Variants in AK7 observed in about 807,000 individuals in gnomAD.
AK7 encodes ATP-AMP transphosphorylase 7.
AK7 carries 78 observed loss-of-function variants against 96.6 expected under a neutral mutation model. The observed-to-expected ratio is 0.81, with a 90% CI of 0.67 to 0.97. The LOEUF is 0.97. Ranked by LOEUF, AK7 falls within the 50% of genes least tolerant of loss-of-function variation. The pLI is 0.00. For synonymous variants in AK7, 302 were observed against 317.2 expected (o/e 0.95, Z 0.51); for missense variants, 855 against 887.9 (o/e 0.96, Z 0.47).
chr14:96,427,228 A>G (rs1033782360), intron 5 of AK7, among the ~76,000 whole-genome samples: 1 of 152,150 alleles, frequency 6.6e-6, no homozygotes, highest in Non-Finnish European at 1.5e-5. Flanking sequence ...CTGGGCAACA[A>G]GAGCGAAACT....
chr14:96,419,784 C>CTTTTTTTTTTTTT lies in AK7; in HGVS notation c.499-1034_499-1033insTTTTTTTTTTTTT, dbSNP rs11449244. The stretch of plus-strand genomic sequence containing the variant: ...TCTCCTAAAGCATTTTTTTTTCTTT[C>CTTTTTTTTTTTTT]TTTTCTTTTTTTTTTTTTTTTGAGA... On this transcript the variant is annotated intron_variant, in intron 4 of 17. Coordinates refer to ENST00000267584, the MANE Select transcript of AK7 (RefSeq NM_152327.5). Among the ~76,000 whole-genome samples, 9 of 101,690 alleles carry CTTTTTTTTTTTTT rather than the reference C, an allele frequency of 8.9e-5. 2 individuals are homozygous for CTTTTTTTTTTTTT. The highest frequency in any genetic ancestry group is 1.0e-4 in the Admixed American group (1 of 9,946). 66.7% of individuals were successfully genotyped at this position (101,690 alleles called of 152,430 possible). A position where few individuals can be genotyped will look rare whatever the true frequency, so the allele number is the denominator to read the frequency against.
At chr14:96,426,550 C>A (rs1361439535) in intron 5 of AK7, among the ~76,000 whole-genome samples, 1 of 152,102 alleles carries the variant, frequency 6.6e-6, no homozygotes, top group East Asian at 1.9e-4. Flanking sequence ...ATGTCTTTTT[C>A]TTTCTGACTG....
intron 12 of AK7, among the ~76,000 whole-genome samples, chr14:96,468,073 C>CGA (rs1894673908): frequency 1.3e-5 from 1 of 79,132 alleles, no homozygotes; most frequent in Non-Finnish European, 2.3e-5. Flanking sequence ...CCCGTCTCTA[C>CGA]AAAAAAAAAA....
intron 17 of AK7, among the ~76,000 whole-genome samples, chr14:96,487,694 T>C (rs1300859795): frequency 6.6e-6 from 1 of 152,010 alleles, no homozygotes; most frequent in African/African-American, 2.4e-5. Context: ...CCCAAAGTGC[T>C]GAGATTACAG....
At chr14:96,421,072 G>A (rs961901601) in intron 5 of AK7, 140 bp downstream of exon 5, 1 of 547,072 alleles carries the variant, frequency 1.8e-6, no homozygotes. Context: ...CCTGGCCCAG[G>A]TTCTGGTCCA....
At chr14:96,410,351 C>G (rs1890962332) in intron 4 of AK7, among the ~76,000 whole-genome samples, 1 of 152,168 alleles carries the variant, frequency 6.6e-6, no homozygotes, top group Admixed American at 6.5e-5. Context: ...ACTGGCTGAC[C>G]ACTGTGCTAG....
At chr14:96,421,900 C>T (rs964920770) in intron 5 of AK7, among the ~76,000 whole-genome samples, 6 of 152,188 alleles carry the variant, frequency 3.9e-5, no homozygotes, top group Non-Finnish European at 7.4e-5. Flanking sequence ...CCACTGTGCC[C>T]GGCCCCTTCT....
intron 12 of AK7, among the ~76,000 whole-genome samples, chr14:96,463,052 G>A (rs990028362): frequency 1.6e-4 from 24 of 151,968 alleles, no homozygotes; most frequent in African/African-American, 4.8e-4. Flanking sequence ...CAGGAGAATC[G>A]CTTGAACCCT....
chr14:96,397,929 A>T (rs1890169041), intron 1 of AK7, 146 bp from the exon 2 acceptor site: 9 of 745,882 alleles, frequency 1.2e-5, no homozygotes. Context: ...AATCAACTTA[A>T]ATGAGATGAC....
Position 96,408,669 on chromosome 14 carries a change from A to G in AK7, c.404-178A>G, listed in dbSNP as rs1167469102. ...ACCTGCTGGGATCCGTATTTCGGATACAGGTAGCGAGAAAGCAGGGGGAAT... is the reference window on the plus strand; with the variant it reads ...ACCTGCTGGGATCCGTATTTCGGATGCAGGTAGCGAGAAAGCAGGGGGAAT... On this transcript the variant is annotated intron_variant, in intron 3 of 17. Coordinates refer to ENST00000267584, the MANE Select transcript of AK7 (RefSeq NM_152327.5). 3.3e-5 allele frequency among the ~76,000 whole-genome samples: 5 copies of G among 152,256 alleles called. No homozygotes were observed. In the South Asian group the frequency reaches 6.2e-4, roughly 19 times the overall value.
chr14:96,410,098 G>C (rs1595378808), intron 4 of AK7, among the ~76,000 whole-genome samples: 2 of 152,162 alleles, frequency 1.3e-5, no homozygotes, highest in Admixed American at 6.5e-5. Context: ...GAGATATTTA[G>C]GGATTCATCA....
intron 5 of AK7, among the ~76,000 whole-genome samples, chr14:96,432,828 CAAA>C (rs569057680): frequency 2.4e-5 from 3 of 125,984 alleles, no homozygotes; most frequent in Non-Finnish European, 5.1e-5. Flanking sequence ...ACTAAAAATA[CAAA>C]AAAAAAAAAA....
rs375506507 is a variant in AK7 at position 96,416,106 on chromosome 14, G to A, written c.499-4716G>A. On this transcript the variant is annotated intron_variant, in intron 4 of 17. Coordinates refer to ENST00000267584, the MANE Select transcript of AK7 (RefSeq NM_152327.5). ...ACCAATTAAAAAGAGAATCCAGGCC[G>A]GGCACAGTGGCTCATGCCTGTAATC... 3.9e-5 allele frequency among the ~76,000 whole-genome samples: 6 copies of A among 152,152 alleles called. No individual in the cohort carries two copies. In the South Asian group the frequency reaches 6.3e-4, roughly 16 times the overall value.
chr14:96,467,046 T>TAAAAAAAAAAAAAA (rs11295444), intron 12 of AK7, among the ~76,000 whole-genome samples: 1 of 137,966 alleles, frequency 7.2e-6, no homozygotes, highest in Non-Finnish European at 1.5e-5. Flanking sequence ...GACGAATATG[T>TAAAAAAAAAAAAAA]AAAAAAAAAA....
At chr14:96,469,812 T>C (rs1186982059) in intron 12 of AK7, among the ~76,000 whole-genome samples, 1 of 151,586 alleles carries the variant, frequency 6.6e-6, no homozygotes, top group African/African-American at 2.4e-5. Flanking sequence ...TGTTTTGTGT[T>C]TTGTTTTTTG....
rs947142180 is a variant in AK7 at position 96,399,566 on chromosome 14, A to C, written c.294+1303A>C. On this transcript the variant is annotated intron_variant, in intron 2 of 17. Coordinates refer to ENST00000267584, the MANE Select transcript of AK7 (RefSeq NM_152327.5). The surrounding 1 kb of genome is among the most constrained non-coding windows in gnomAD (Gnocchi z 4.1). ...CAGGTCTCACCCCTTCACCCCCGCC[A>C]TTCACTGGTCTATCCAATGCTGGCT... Among the ~76,000 whole-genome samples the C allele has an allele frequency of 2.6e-5, 4 of 152,048 alleles. No homozygotes were observed. Among genetic ancestry groups the C allele is most frequent in the Admixed American group, 6.6e-5 (1 of 15,258 alleles).
At chr14:96,441,089 A>G (rs1892932269) in intron 6 of AK7, among the ~76,000 whole-genome samples, 1 of 152,142 alleles carries the variant, frequency 6.6e-6, no homozygotes, top group Non-Finnish European at 1.5e-5. Context: ...AGGGAAGGGT[A>G]GAGGAATAGT....
intron 14 of AK7, 69 bp from the exon 15 acceptor site, chr14:96,478,396 C>T (rs537595222): frequency 8.4e-5 from 127 of 1,516,700 alleles, no homozygotes; most frequent in Middle Eastern, 1.7e-4. Context: ...GGGGGCCATG[C>T]GTTCTCCAGC....
chr14:96,395,198 A>G (rs528727519), intron 1 of AK7, among the ~76,000 whole-genome samples: 2 of 152,356 alleles, frequency 1.3e-5, no homozygotes, highest in Admixed American at 1.3e-4. Flanking sequence ...TATTGTTAAC[A>G]GGAACCCTTA....
Sources: allele counts gnomAD v4.1 joint callset (sites outside exome capture counted in the v4.1 genomes callset), GRCh38; gene constraint gnomAD v4.1.1; non-coding constraint Gnocchi (gnomAD v3.1); transcripts MANE v1.5; gene names NCBI Gene and HGNC (gene_info 2026-07-23, HGNC 2026-07-21).